Variants in RFX4 observed in about 807,000 individuals in gnomAD.
RFX4 encodes transcription factor RFX4.
Under a neutral mutation model 95.0 loss-of-function variants are expected in RFX4, and 10 were observed. That is an observed-to-expected ratio of 0.11 (90% CI 0.06 to 0.18). The LOEUF (loss-of-function observed/expected upper bound fraction) is 0.18, where lower values mean the gene tolerates loss of function less well. Among genes scored for constraint, RFX4 ranks in the 10% least tolerant of loss-of-function variants. RFX4 has a pLI of 1.00. For synonymous variants in RFX4, 321 were observed against 340.7 expected (o/e 0.94, Z 0.64); for missense variants, 640 against 922.0 (o/e 0.69, Z 3.96).
chr12:106,700,649 G>T (rs936068125), intron 8 of RFX4, among the ~76,000 whole-genome samples: 1 of 149,954 alleles, frequency 6.7e-6, no homozygotes, highest in African/African-American at 2.5e-5. Context: ...CTCGTGATCC[G>T]CCCGCCTCGG....
At chr12:106,623,267 C>T (rs1312727587) in intron 2 of RFX4, among the ~76,000 whole-genome samples, 4 of 151,970 alleles carry the variant, frequency 2.6e-5, no homozygotes, top group South Asian at 4.2e-4. Flanking sequence ...TCGTGATCTG[C>T]CCGCCTTGGC....
intron 13 of RFX4, among the ~76,000 whole-genome samples, chr12:106,731,743 G>C (rs1351062847): frequency 6.6e-6 from 1 of 152,182 alleles, no homozygotes; most frequent in Non-Finnish European, 1.5e-5. Flanking sequence ...GCTGGTGGAA[G>C]AGATAAAAAT....
intron 15 of RFX4, among the ~76,000 whole-genome samples, chr12:106,734,213 T>A (rs1322754726): frequency 6.6e-6 from 1 of 152,022 alleles, no homozygotes; most frequent in Admixed American, 6.6e-5. Context: ...AGAGGTTCAG[T>A]ATAGGATGAT....
intron 1 of RFX4, among the ~76,000 whole-genome samples, chr12:106,594,644 T>C (rs1356824316): frequency 2.0e-5 from 3 of 152,140 alleles, no homozygotes; most frequent in Admixed American, 6.5e-5. Flanking sequence ...CCGCATGTAC[T>C]GGGCAGCCTC....
chr12:106,735,683 T>C (rs982043200), intron 15 of RFX4, among the ~76,000 whole-genome samples: 3 of 140,098 alleles, frequency 2.1e-5, no homozygotes, highest in Non-Finnish European at 3.1e-5. Flanking sequence ...CATGTATATA[T>C]GTACACACAT....
intron 1 of RFX4, among the ~76,000 whole-genome samples, chr12:106,591,261 CCTTTTTTT>C (rs1159915853): frequency 6.9e-4 from 46 of 66,462 alleles, no homozygotes; most frequent in African/African-American, 2.9e-3. Flanking sequence ...TAAAATAGTC[CCTTTTTTT>C]TTTTTTTTTT....
chr12:106,732,942 T>A lies in RFX4; in HGVS notation c.1490T>A (p.Ile497Asn). The A allele has an allele frequency of 6.2e-7, 1 of 1,614,090 alleles. No homozygotes were observed. The highest frequency in any genetic ancestry group is 8.5e-7 in the Non-Finnish European group (1 of 1,179,980). The change falls in exon 15 of 18, where the codon ATC (isoleucine) becomes AAC (asparagine). Residue 497 changes from isoleucine to asparagine, a missense_variant. Around this residue, in one of 7 missense-constraint regions of RFX4, gnomAD observed 300 missense variants for 346.8 expected, o/e 0.87. Transcript: ENST00000392842. ...EGSTAEVREE[I>N]ILTEAAAPTP... is the part of the protein sequence containing the mutation. ...TCCACAGCAGAAGTCCGAGAAGAGA[T>A]CATCTTGACAGAGGCTGCCGCACCA... is the stretch of plus-strand genomic sequence containing the variant.
At chr12:106,684,538 T>C (rs746784576) in intron 5 of RFX4, 1 of 344,958 alleles carries the variant, frequency 2.9e-6, no homozygotes, top group Non-Finnish European at 5.0e-6. Context: ...TGATTTTAGC[T>C]ACGTGATCTC....
chr12:106,647,442 A>G (rs1327486870), intron 3 of RFX4, among the ~76,000 whole-genome samples: 1 of 152,170 alleles, frequency 6.6e-6, no homozygotes, highest in East Asian at 1.9e-4. Flanking sequence ...AGCGCAGGGT[A>G]GGCACTTGAA....
At chr12:106,673,490 T>A (rs555029719) in intron 4 of RFX4, among the ~76,000 whole-genome samples, 4 of 152,228 alleles carry the variant, frequency 2.6e-5, no homozygotes, top group Non-Finnish European at 4.4e-5. Flanking sequence ...CCCCACTTTA[T>A]AGATGAAGAA....
At chr12:106,628,209 C>T (rs1215630684) in intron 2 of RFX4, among the ~76,000 whole-genome samples, 2 of 152,176 alleles carry the variant, frequency 1.3e-5, no homozygotes, top group Non-Finnish European at 2.9e-5. Context: ...CTTCCCCACT[C>T]CTCTGGGGAA....
rs1720336956 is a variant in RFX4 at position 106,702,746 on chromosome 12, T to A, written c.833+6300T>A. Among the ~76,000 whole-genome samples, 5 of 152,212 alleles carry A rather than the reference T, an allele frequency of 3.3e-5. No individual in the cohort carries two copies. In the South Asian group the frequency reaches 1.0e-3, roughly 32 times the overall value. On this transcript the variant is annotated intron_variant, in intron 8 of 17. Coordinates refer to ENST00000392842, the MANE Select transcript of RFX4 (RefSeq NM_213594.3). ...TTTCTCTTTTCATCTTTCCCCCACC[T>A]ACAACGGGTCTTCCCTATTCCCTGG...
chr12:106,760,175 G>A (rs577624432), intron 17 of RFX4, among the ~76,000 whole-genome samples: 6 of 152,218 alleles, frequency 3.9e-5, no homozygotes, highest in Non-Finnish European at 5.9e-5. Flanking sequence ...TCTCCTCCTC[G>A]CTGCTCTGGC....
Position 106,686,991 on chromosome 12 carries a change from G to C in RFX4, c.485G>C (p.Ser162Thr). 6.2e-7 allele frequency: 1 copy of C among 1,614,034 alleles called. No homozygotes were observed. The highest frequency in any genetic ancestry group is 8.5e-7 in the Non-Finnish European group (1 of 1,179,994). ...AGTGAGACGGGCAAGAAAGAAGTGA[G>C]CAAACAGACAGTGGCATATTCACCC... The part of the protein sequence containing the change: ...WVSETGKKEV[S>T]KQTVAYSPRS... The change falls in exon 6 of 18, where the codon AGC (serine) becomes ACC (threonine). Residue 162 changes from serine to threonine, a missense_variant. Physicochemically the swap from Ser to Thr is moderately conservative, Grantham distance 58. Around this residue, in one of 7 missense-constraint regions of RFX4, gnomAD observed 89 missense variants for 173.8 expected, o/e 0.51. Transcript: ENST00000392842.
At chr12:106,602,729 A>G (rs1352923662) in intron 1 of RFX4, among the ~76,000 whole-genome samples, 1 of 152,172 alleles carries the variant, frequency 6.6e-6, no homozygotes, top group East Asian at 1.9e-4. Context: ...GTGTCTGCTC[A>G]TAGGCTCTTT....
intron 3 of RFX4, among the ~76,000 whole-genome samples, chr12:106,640,389 C>T (rs749057758): frequency 1.3e-5 from 2 of 152,156 alleles, no homozygotes; most frequent in Non-Finnish European, 2.9e-5. Flanking sequence ...ATGAGCAAAT[C>T]ATATTAGATT....
chr12:106,604,848 A>C (rs1249422649), intron 1 of RFX4, among the ~76,000 whole-genome samples: 1 of 152,260 alleles, frequency 6.6e-6, no homozygotes, highest in Non-Finnish European at 1.5e-5. Flanking sequence ...AATACAAAGC[A>C]GACTGAGAAA....
intron 2 of RFX4, among the ~76,000 whole-genome samples, chr12:106,617,733 G>T (rs911879160): frequency 6.6e-6 from 1 of 151,990 alleles, no homozygotes; most frequent in Non-Finnish European, 1.5e-5. Flanking sequence ...TGGGTTTGTT[G>T]TTGTTGTTTT....
chr12:106,732,879 G>A (rs11611097), intron 14 of RFX4, 45 bp from the exon 15 acceptor site: 27,721 of 1,582,134 alleles, frequency 0.018, 323 homozygotes, highest in Non-Finnish European at 0.021. Context: ...AGAGACACTT[G>A]CCTTTACATT....
Sources: gnomAD v4.1 joint callset for allele counts (sites outside exome capture counted in the v4.1 genomes callset) on GRCh38, gnomAD v4.1.1 for gene constraint, gnomAD v4.1.1 regional missense constraint, MANE v1.5 for transcripts, NCBI Gene and HGNC (gene_info 2026-07-23, HGNC 2026-07-21) for gene names.